The following NFU1 variants were observed in gnomAD, a reference collection of about 807,000 sequenced individuals.
NFU1 encodes NFU1 iron-sulfur cluster scaffold homolog, mitochondrial.
A neutral mutation model predicts 32.2 loss-of-function variants in NFU1; 30 were observed. The ratio of observed to expected loss-of-function variants is 0.93; its 90% confidence interval spans 0.70 to 1.26. NFU1 has a LOEUF of 1.26. NFU1 is among the 50% of genes most tolerant of loss of function. The probability of loss-of-function intolerance (pLI) is 0.00; values close to 1 mark genes in which losing one functional copy is unlikely to be tolerated. For synonymous variants in NFU1, 112 were observed against 104.6 expected (o/e 1.07, Z -0.43); for missense variants, 306 against 306.6 (o/e 1.00, Z 0.02).
rs749420472 is a variant in NFU1, at chr2:69,415,346, G to A, written c.370-47C>T. 3 of 1,076,296 alleles carry A rather than the reference G, an allele frequency of 2.8e-6. No individual in the cohort carries two copies. The South Asian group carries it at 3.8e-5, about 14-fold the overall frequency. 66.7% of individuals were successfully genotyped at this position (1,076,296 alleles called of 1,614,324 possible). On this transcript the variant is annotated intron_variant, in intron 4 of 7. Transcript: ENST00000410022. Reference sequence around the variant, plus strand: ...TGCTGTATTTCCAGGCAACGGCAAAGACCCATACAGAACACTACCTTATAC... The same window carrying A: ...TGCTGTATTTCCAGGCAACGGCAAAAACCCATACAGAACACTACCTTATAC...
At chr2:69,400,763 C>T (rs929344574) in intron 6 of NFU1, among the ~76,000 whole-genome samples, 6 of 151,868 alleles carry the variant, frequency 4.0e-5, no homozygotes, top group East Asian at 1.9e-4. Flanking sequence ...ATATTTCCTC[C>T]GCTTACCGCA....
At chr2:69,438,316 G>A (rs1369367063), upstream of NFU1, among the ~76,000 whole-genome samples, 9 of 151,576 alleles carry the variant, frequency 5.9e-5, no homozygotes, top group Admixed American at 2.0e-4. Flanking sequence ...GCAGGAGTGC[G>A]ATCATAGCTC....
intron 5 of NFU1, among the ~76,000 whole-genome samples, chr2:69,408,861 CTTTT>C (rs1173785443): frequency 7.4e-5 from 5 of 67,756 alleles, no homozygotes; most frequent in African/African-American, 2.3e-4. Context: ...CAGGCTTGTG[CTTTT>C]TTTTTTTTTT....
upstream of NFU1, among the ~76,000 whole-genome samples, chr2:69,438,765 G>C (rs564943269): frequency 6.6e-6 from 1 of 151,932 alleles, no homozygotes; most frequent in African/African-American, 2.4e-5. Context: ...CCTGCAGCTC[G>C]CCCGGGCCCG....
upstream of NFU1, among the ~76,000 whole-genome samples, chr2:69,438,324 C>T (rs1162110559): frequency 6.6e-6 from 1 of 151,786 alleles, no homozygotes; most frequent in African/African-American, 2.4e-5. Flanking sequence ...GCGATCATAG[C>T]TCACCAAAAC....
intron 7 of NFU1, among the ~76,000 whole-genome samples, chr2:69,397,997 T>G (rs1450234722): frequency 6.6e-6 from 1 of 152,150 alleles, no homozygotes; most frequent in African/African-American, 2.4e-5. Flanking sequence ...AGGCTGTCTT[T>G]TTGGTTGAGT....
intron 1 of NFU1, among the ~76,000 whole-genome samples, chr2:69,432,230 C>G (rs1673661809): frequency 6.6e-6 from 1 of 152,218 alleles, no homozygotes; most frequent in African/African-American, 2.4e-5. Context: ...AATGGAAATT[C>G]CTACCCTTGA....
chr2:69,405,980 C>A (rs778662467), intron 6 of NFU1, 42 bp downstream of exon 6: 2 of 1,257,630 alleles, frequency 1.6e-6, no homozygotes, highest in East Asian at 4.6e-5. Context: ...ATGAAAAATG[C>A]CTCCAAAGCA....
upstream of NFU1, among the ~76,000 whole-genome samples, chr2:69,438,504 A>C (rs1182118086): frequency 6.6e-6 from 1 of 152,110 alleles, no homozygotes; most frequent in East Asian, 1.9e-4. Flanking sequence ...TGCTGGCCTC[A>C]AGTGATCCCT....
intron 3 of NFU1, among the ~76,000 whole-genome samples, chr2:69,422,343 C>A (rs887872854): frequency 6.6e-6 from 1 of 152,182 alleles, no homozygotes; most frequent in Admixed American, 6.6e-5. Context: ...TATGGCTGAT[C>A]TTGGGTAACT....
chr2:69,430,870 G>C lies in NFU1; in HGVS notation c.166+1032C>G, dbSNP rs142664652. 1.3e-4 allele frequency among the ~76,000 whole-genome samples: 20 copies of C among 152,266 alleles called. No individual in the cohort carries two copies. The East Asian group carries it at 3.9e-3, about 29-fold the overall frequency. On this transcript the variant is annotated intron_variant, in intron 2 of 7. Coordinates refer to ENST00000410022, the MANE Select transcript of NFU1 (RefSeq NM_001002755.4). ...CTTAGCCAGAATCAGCCAGAGTATG[G>C]CCACAGGAATGTGTTCAAGCTAGCA...
chr2:69,396,113 T>C, downstream of NFU1: 1 of 732,548 alleles, frequency 1.4e-6, no homozygotes, highest in Non-Finnish European at 2.3e-6. Flanking sequence ...AAAGCAAACA[T>C]GCAATATTTA....
At chr2:69,403,382 G>C (rs936001114) in intron 6 of NFU1, among the ~76,000 whole-genome samples, 2 of 151,738 alleles carry the variant, frequency 1.3e-5, no homozygotes, top group Admixed American at 6.6e-5. Context: ...CCCCTCCGGA[G>C]GTTTGATTCA....
intron 2 of NFU1, among the ~76,000 whole-genome samples, chr2:69,430,535 G>GTAC (rs1273465877): frequency 6.6e-6 from 1 of 151,948 alleles, no homozygotes; most frequent in Admixed American, 6.6e-5. Flanking sequence ...ATTATGCTTG[G>GTAC]TACTAATAGG....
chr2:69,408,365 C>T (rs1338334498), intron 5 of NFU1, among the ~76,000 whole-genome samples: 6 of 152,208 alleles, frequency 3.9e-5, no homozygotes, highest in African/African-American at 1.4e-4. Context: ...TTCATTATTT[C>T]AGTTGTTTAT....
Position 69,404,728 on chromosome 2 carries a change from T to C in NFU1, c.545+1294A>G, listed in dbSNP as rs529813045. 2.7e-5 allele frequency among the ~76,000 whole-genome samples: 4 copies of C among 146,984 alleles called. No individual in the cohort carries two copies. The South Asian group carries it at 8.9e-4, about 33-fold the overall frequency. ...TCCGCCTCCAGGGTTCAAGTGATTC[T>C]CCTACCTCGGTCTCCCTAGTAGCTG... On this transcript the variant is annotated intron_variant, in intron 6 of 7. Transcript: ENST00000410022.
chr2:69,438,478 G>C (rs1442111419), upstream of NFU1, among the ~76,000 whole-genome samples: 1 of 151,970 alleles, frequency 6.6e-6, no homozygotes, highest in Non-Finnish European at 1.5e-5. Flanking sequence ...GTGTTGCCTG[G>C]GCTGCTCTTG....
intron 1 of NFU1, among the ~76,000 whole-genome samples, chr2:69,436,958 ATTT>A (rs981589980): frequency 9.2e-5 from 14 of 152,148 alleles, no homozygotes; most frequent in African/African-American, 3.4e-4. Flanking sequence ...GAGACAAGGT[ATTT>A]TCTTCCCTTC....
chr2:69,399,373 T>C (rs1672439609), intron 7 of NFU1: 1 of 456,098 alleles, frequency 2.2e-6, no homozygotes. Context: ...CAAGGTGCTG[T>C]GTTATACTCC....
Sources: allele counts gnomAD v4.1 joint callset (sites outside exome capture counted in the v4.1 genomes callset), GRCh38; gene constraint gnomAD v4.1.1; transcripts MANE v1.5; gene names NCBI Gene and HGNC (gene_info 2026-07-23, HGNC 2026-07-21).